SEL1L3: variants seen among roughly 807,000 people sequenced by gnomAD.
SEL1L3 encodes SEL1L family member 3.
Under a neutral mutation model 142.8 loss-of-function variants are expected in SEL1L3, and 76 were observed. That is an observed-to-expected ratio of 0.53 (90% CI 0.44 to 0.64). SEL1L3 has a LOEUF of 0.64. SEL1L3 is among the 30% of genes least tolerant of loss of function. SEL1L3 has a pLI of 0.00. For missense variants in SEL1L3, 1,262 were observed against 1,381.7 expected (o/e 0.91, Z 1.37); for synonymous variants, 504 against 519.6 (o/e 0.97, Z 0.41).
At chr4:25,757,818 CGT>C (rs1560277717) in intron 21 of SEL1L3, 28 bp from the exon 22 acceptor site, 1 of 1,528,562 alleles carries the variant, frequency 6.5e-7, no homozygotes, top group Admixed American at 1.9e-5. Context: ...GGCATCTTGA[CGT>C]GTCAGCCAAC....
intron 9 of SEL1L3, among the ~76,000 whole-genome samples, chr4:25,813,577 C>T (rs756900123): frequency 5.3e-5 from 8 of 152,052 alleles, no homozygotes; most frequent in African/African-American, 9.7e-5. Context: ...AATGGGGAGA[C>T]GTTTACTGAG....
At chr4:25,726,574 C>T in the SEL1L3 span, among the ~76,000 whole-genome samples, 7 of 150,824 alleles carry the variant, frequency 4.6e-5, no homozygotes, top group Non-Finnish European at 8.8e-5. Flanking sequence ...GTACTTCAGA[C>T]TCTGAAGACA....
intron 11 of SEL1L3, among the ~76,000 whole-genome samples, chr4:25,799,923 C>T (rs1284266233): frequency 2.0e-5 from 3 of 152,128 alleles, no homozygotes; most frequent in African/African-American, 7.2e-5. Flanking sequence ...AGAATATTGG[C>T]AACCAAACCT....
Position 25,818,031 on chromosome 4 carries a change from G to T in SEL1L3, c.1564+107C>A, listed in dbSNP as rs1714503960. On this transcript the variant is annotated intron_variant, in intron 9 of 23. Coordinates refer to ENST00000399878, the MANE Select transcript of SEL1L3 (RefSeq NM_015187.5). The stretch of plus-strand genomic sequence containing the variant: ...TCTGAAATTAAACTAAAACACTAGG[G>T]TTAAAAATAACTTTAAGGCATAAAT... 6 of 1,192,370 alleles carry T rather than the reference G, an allele frequency of 5.0e-6. No homozygotes were observed. In the South Asian group the frequency reaches 9.6e-5, roughly 19 times the overall value. 73.9% of individuals were successfully genotyped at this position (1,192,370 alleles called of 1,614,324 possible).
chr4:25,715,514 C>G, the SEL1L3 span, among the ~76,000 whole-genome samples: 1 of 151,960 alleles, frequency 6.6e-6, no homozygotes, highest in Admixed American at 6.6e-5. Flanking sequence ...GGAAATTTGG[C>G]AATATCTGTC....
the SEL1L3 span, among the ~76,000 whole-genome samples, chr4:25,716,130 C>T: frequency 2.0e-5 from 3 of 151,698 alleles, no homozygotes; most frequent in Non-Finnish European, 4.4e-5. Flanking sequence ...ATTTTCAATA[C>T]ACGTAACTGA....
intron 9 of SEL1L3, among the ~76,000 whole-genome samples, chr4:25,809,848 T>C (rs1713898500): frequency 6.6e-6 from 1 of 152,278 alleles, no homozygotes; most frequent in South Asian, 2.1e-4. Context: ...CCCGATGTTA[T>C]TATGTAACAT....
chr4:25,740,450 T>A, the SEL1L3 span, among the ~76,000 whole-genome samples: 1 of 141,964 alleles, frequency 7.0e-6, no homozygotes, highest in Non-Finnish European at 1.5e-5. Context: ...AAAAAAAAAA[T>A]CTAGTTCCTA....
chr4:25,768,431 T>A (rs952894158), intron 17 of SEL1L3, among the ~76,000 whole-genome samples: 2 of 152,152 alleles, frequency 1.3e-5, no homozygotes, highest in Admixed American at 6.5e-5. Context: ...AGATTCATAT[T>A]TGGAATAATG....
chr4:25,861,243 T>C (rs1264892946), intron 1 of SEL1L3, among the ~76,000 whole-genome samples: 1 of 152,234 alleles, frequency 6.6e-6, no homozygotes, highest in East Asian at 1.9e-4. Flanking sequence ...TGTTGTAACC[T>C]TGTGGCATAA....
the SEL1L3 span, chr4:25,719,122 G>A: frequency 4.6e-5 from 7 of 152,374 alleles, no homozygotes; most frequent in East Asian, 7.7e-4. Flanking sequence ...GTTGCGGTGA[G>A]CCGAGATCGT....
downstream of SEL1L3, among the ~76,000 whole-genome samples, chr4:25,744,461 C>T (rs1309898001): frequency 6.8e-6 from 1 of 147,946 alleles, no homozygotes. Flanking sequence ...TCAAGCGATG[C>T]TCATGCCTCA....
intron 14 of SEL1L3, among the ~76,000 whole-genome samples, chr4:25,783,578 G>T (rs1711571986): frequency 1.3e-5 from 2 of 152,044 alleles, no homozygotes; most frequent in Non-Finnish European, 2.9e-5. Context: ...ATGCACACAT[G>T]AGTGTGCACA....
chr4:25,851,553 C>A (rs557084656), intron 1 of SEL1L3, among the ~76,000 whole-genome samples: 1 of 152,148 alleles, frequency 6.6e-6, no homozygotes, highest in South Asian at 2.1e-4. Flanking sequence ...TTGTGTACTA[C>A]ACAATTTTTT....
At chr4:25,858,476 C>T (rs916934224) in intron 1 of SEL1L3, among the ~76,000 whole-genome samples, 2 of 152,216 alleles carry the variant, frequency 1.3e-5, no homozygotes, top group African/African-American at 4.8e-5. Flanking sequence ...TACAGGGAAT[C>T]CTGTACAAGG....
At chr4:25,799,172 T>A (rs1314964025) in intron 11 of SEL1L3, among the ~76,000 whole-genome samples, 1 of 152,112 alleles carries the variant, frequency 6.6e-6, no homozygotes, top group Non-Finnish European at 1.5e-5. Flanking sequence ...CCTCCTAGGT[T>A]CAAGTGACTC....
At chr4:25,777,122 A>T (rs1181657886) in intron 16 of SEL1L3, among the ~76,000 whole-genome samples, 1 of 152,094 alleles carries the variant, frequency 6.6e-6, no homozygotes, top group Non-Finnish European at 1.5e-5. Context: ...TTTAAGAATG[A>T]AGAAAAGTTG....
the SEL1L3 span, among the ~76,000 whole-genome samples, chr4:25,738,709 T>C: frequency 6.6e-6 from 1 of 152,310 alleles, no homozygotes; most frequent in East Asian, 1.9e-4. Flanking sequence ...ATCATTGTCT[T>C]CAGTTCATGG....
intron 2 of SEL1L3, among the ~76,000 whole-genome samples, chr4:25,845,721 T>TA (rs568122510): frequency 4.9e-4 from 74 of 152,088 alleles, no homozygotes; most frequent in Admixed American, 1.4e-3. Flanking sequence ...AGGAAAAACT[T>TA]AGAGTGCATG....
Sources: allele counts gnomAD v4.1 joint callset (sites outside exome capture counted in the v4.1 genomes callset), GRCh38; gene constraint gnomAD v4.1.1; transcripts MANE v1.5; gene names NCBI Gene and HGNC (gene_info 2026-07-23, HGNC 2026-07-21).